FER: variants seen among roughly 807,000 people sequenced by gnomAD.
The protein encoded by FER is FER tyrosine kinase, also known as tyrosine-protein kinase Fer.
In FER, 63 loss-of-function variants were observed where a neutral mutation model predicts 111.0. The observed-to-expected ratio is 0.57, with a 90% CI of 0.46 to 0.70. The LOEUF (loss-of-function observed/expected upper bound fraction) is 0.70. Among genes scored for constraint, FER ranks in the 30% least tolerant of loss-of-function variants. The pLI is 0.00. For missense variants in FER, 914 were observed against 954.0 expected, an observed-to-expected ratio of 0.96 and a Z score of 0.55; for synonymous variants, 327 against 313.9, an observed-to-expected ratio of 1.04 and a Z score of -0.44.
chr5:108,842,001 A>G (rs899938551), intron 5 of FER: 1 of 161,830 alleles, frequency 6.2e-6, no homozygotes, highest in African/African-American at 2.4e-5. Flanking sequence ...AGGATATTTG[A>G]TATTAAGGAA....
intron 16 of FER, among the ~76,000 whole-genome samples, chr5:109,068,249 A>C (rs999934538): frequency 8.8e-5 from 12 of 137,038 alleles, no homozygotes; most frequent in Non-Finnish European, 1.5e-4. Context: ...AGCGGCACAG[A>C]GTCCGCTCAC....
Position 109,143,569 on chromosome 5 carries a change from T to G in FER, c.2049-37178T>G, listed in dbSNP as rs902370746. ...TCAGAGGCCTTATCCGTGAACCCCA[T>G]GAAAATAGTCTCCACCCCACCTCCA... On this transcript the variant is annotated intron_variant, in intron 17 of 19. Coordinates refer to ENST00000281092, the MANE Select transcript of FER (RefSeq NM_005246.4). Among the ~76,000 whole-genome samples, 4 of 151,974 alleles carry G rather than the reference T, an allele frequency of 2.6e-5. No homozygotes were observed. In the East Asian group the frequency reaches 5.8e-4, roughly 22 times the overall value.
At chr5:109,025,512 G>C (rs903250557) in intron 13 of FER, among the ~76,000 whole-genome samples, 5 of 151,988 alleles carry the variant, frequency 3.3e-5, no homozygotes, top group African/African-American at 1.2e-4. Flanking sequence ...AGCTTAAGGA[G>C]ATTTTGGGCT....
intron 13 of FER, among the ~76,000 whole-genome samples, chr5:108,966,135 C>G (rs1759780696): frequency 6.6e-6 from 1 of 152,080 alleles, no homozygotes; most frequent in African/African-American, 2.4e-5. Flanking sequence ...CTACCTCAGA[C>G]TTTCTTAAAT....
intron 13 of FER, among the ~76,000 whole-genome samples, chr5:108,985,013 C>A (rs72790510): frequency 0.12 from 17,543 of 151,904 alleles, 1,101 homozygotes; most frequent in Middle Eastern, 0.16. Flanking sequence ...TAATAATATT[C>A]TAATCTAAAA....
intron 11 of FER, among the ~76,000 whole-genome samples, chr5:108,949,799 T>C (rs1201381118): frequency 6.6e-6 from 1 of 152,150 alleles, no homozygotes; most frequent in East Asian, 1.9e-4. Context: ...GTGTTCTTAC[T>C]GATATTGTGG....
intron 13 of FER, among the ~76,000 whole-genome samples, chr5:109,022,620 T>C (rs928207765): frequency 1.3e-5 from 2 of 152,122 alleles, no homozygotes; most frequent in African/African-American, 2.4e-5. Flanking sequence ...AATGACATAA[T>C]ATATAGAAAT....
At chr5:108,776,774 T>C (rs1184859384) in intron 2 of FER, among the ~76,000 whole-genome samples, 1 of 152,220 alleles carries the variant, frequency 6.6e-6, no homozygotes, top group Non-Finnish European at 1.5e-5. Flanking sequence ...AAACTCAACA[T>C]GTAAGCACTC....
At chr5:108,869,041 G>A (rs1158661687) in intron 6 of FER, among the ~76,000 whole-genome samples, 2 of 151,892 alleles carry the variant, frequency 1.3e-5, no homozygotes, top group Non-Finnish European at 2.9e-5. Context: ...TTGAGCAGTA[G>A]GATATGAATA....
At chr5:108,882,298 AT>A (rs1250726019) in intron 8 of FER, among the ~76,000 whole-genome samples, 7 of 152,198 alleles carry the variant, frequency 4.6e-5, no homozygotes, top group Non-Finnish European at 8.8e-5. Flanking sequence ...TTAAAAAAAA[AT>A]AATATTGCTA....
intron 13 of FER, among the ~76,000 whole-genome samples, chr5:108,966,631 C>G (rs1171062241): frequency 6.6e-6 from 1 of 152,018 alleles, no homozygotes; most frequent in African/African-American, 2.4e-5. Context: ...CATGATCCAC[C>G]CACCTCAGCC....
chr5:109,085,739 G>A (rs746684819), intron 16 of FER, among the ~76,000 whole-genome samples: 25 of 151,594 alleles, frequency 1.6e-4, no homozygotes, highest in Non-Finnish European at 3.0e-4. Flanking sequence ...TCCCTAGTTT[G>A]CGGAGAGATT....
chr5:109,049,629 A>T (rs973314964), intron 16 of FER, among the ~76,000 whole-genome samples: 3 of 152,180 alleles, frequency 2.0e-5, no homozygotes, highest in African/African-American at 7.2e-5. Context: ...AGAACACATG[A>T]TCTGATGGAC....
chr5:108,797,943 G>C (rs554698820), intron 2 of FER, among the ~76,000 whole-genome samples, 181 bp from the exon 3 acceptor site: 2 of 151,490 alleles, frequency 1.3e-5, no homozygotes, highest in East Asian at 3.9e-4. Context: ...TAAGACCTCT[G>C]GAGTAATGTT....
intron 10 of FER, among the ~76,000 whole-genome samples, chr5:108,940,567 C>G (rs1386853933): frequency 1.3e-5 from 2 of 152,012 alleles, no homozygotes; most frequent in Admixed American, 1.3e-4. Flanking sequence ...TACTTTCATC[C>G]TCGGTGGAAC....
At chr5:109,099,149 C>T (rs116907160) in intron 16 of FER, among the ~76,000 whole-genome samples, 6,473 of 151,202 alleles carry the variant, frequency 0.043, 167 homozygotes, top group South Asian at 0.083. Flanking sequence ...TTTTAGAGAA[C>T]GTATATTTTA....
intron 13 of FER, among the ~76,000 whole-genome samples, chr5:109,028,684 T>C (rs1769131765): frequency 6.6e-6 from 1 of 152,198 alleles, no homozygotes; most frequent in Admixed American, 6.5e-5. Context: ...AACATTAAGT[T>C]ATATTCAAGG....
Position 109,187,520 on chromosome 5 carries a change from C to T in FER, c.2414C>T (p.Pro805Leu). 1 of 1,614,072 alleles carries T rather than the reference C, an allele frequency of 6.2e-7. No homozygotes were observed. Among genetic ancestry groups the T allele is most frequent in the Non-Finnish European group, 8.5e-7 (1 of 1,179,998 alleles). ...TGGGATTATAAACCTGAAAATCGCC[C>T]TAAGTTCAGTGAACTTCAGAAAGAG... ...KCWDYKPENR[P>L]KFSELQKELT... Residue 805 changes from proline to leucine, a missense_variant, in exon 20 of 20, where the codon CCT becomes CTT. Coordinates refer to ENST00000281092, the MANE Select transcript of FER (RefSeq NM_005246.4).
chr5:108,868,637 A>G (rs995288613), intron 6 of FER, among the ~76,000 whole-genome samples: 6 of 152,072 alleles, frequency 3.9e-5, no homozygotes, highest in Admixed American at 1.3e-4. Flanking sequence ...GAATTCTTCA[A>G]TGTTAGAGTT....
Sources: gnomAD v4.1 joint callset for allele counts (sites outside exome capture counted in the v4.1 genomes callset) on GRCh38, gnomAD v4.1.1 for gene constraint, MANE v1.5 for transcripts, NCBI Gene and HGNC (gene_info 2026-07-23, HGNC 2026-07-21) for gene names.